The following PHEX variants were observed in gnomAD, a reference collection of about 807,000 sequenced individuals.
PHEX encodes phosphate-regulating neutral endopeptidase PHEX.
In PHEX, 16 loss-of-function variants were observed where a neutral mutation model predicts 68.0. That is an observed-to-expected ratio of 0.24 (90% CI 0.16 to 0.36). PHEX has a LOEUF of 0.36. PHEX is among the 10% of genes least tolerant of loss of function. The pLI is 1.00. For synonymous variants in PHEX, 208 were observed against 205.1 expected (o/e 1.01, Z -0.12); for missense variants, 480 against 575.5 (o/e 0.83, Z 1.70).
In PHEX at chrX:22,133,602, C is replaced by T. The variant is rs374873766; in HGVS notation, c.1382C>T (p.Thr461Met). Residue 461 changes from threonine to methionine, a missense_variant, in exon 12 of 22, where the codon ACG becomes ATG. Physicochemically the swap from Thr to Met is moderately conservative, Grantham distance 81. Coordinates refer to ENST00000379374, the MANE Select transcript of PHEX (RefSeq NM_000444.6). ...GAAAATGAGTGGATGGATGCAGGAACGAAAAGGAAAGCCAAAGAAAAGGTA... is the reference window on the plus strand; with the variant it reads ...GAAAATGAGTGGATGGATGCAGGAATGAAAAGGAAAGCCAAAGAAAAGGTA... ...EKENEWMDAGTKRKAKEKARA... is the reference protein window; with the variant it reads ...EKENEWMDAGMKRKAKEKARA... The T allele has an allele frequency of 1.6e-5, 19 of 1,200,114 alleles. No homozygotes were observed. The highest frequency in any genetic ancestry group is 1.5e-4 in the Admixed American group (7 of 45,496).
At chrX:22,214,305 C>G (rs1935017209) in intron 16 of PHEX, among the ~76,000 whole-genome samples, 1 of 111,784 alleles carries the variant, frequency 8.9e-6, no homozygotes, top group Non-Finnish European at 1.9e-5. Context: ...TTATAAGGAC[C>G]CTTGTGATTA....
intron 18 of PHEX, among the ~76,000 whole-genome samples, chrX:22,223,968 C>T (rs1317687641): frequency 8.9e-6 from 1 of 112,162 alleles, no homozygotes; most frequent in Non-Finnish European, 1.9e-5. Context: ...AAGCAGAGCC[C>T]AAGAAGGGGT....
chrX:22,049,359 C>T (rs1273003928), intron 3 of PHEX, among the ~76,000 whole-genome samples: 1 of 110,314 alleles, frequency 9.1e-6, no homozygotes, highest in African/African-American at 3.3e-5. Flanking sequence ...AGTGATTGGC[C>T]TGCCTCAGCC....
At chrX:22,127,045 T>G (rs908560699) in intron 11 of PHEX, among the ~76,000 whole-genome samples, 2 of 108,277 alleles carry the variant, frequency 1.8e-5, no homozygotes, top group African/African-American at 6.7e-5. Flanking sequence ...CTAATTTTTG[T>G]ATTTTTAGTA....
In PHEX at chrX:22,219,659, G is replaced by A. The variant is rs780109103; in HGVS notation, c.1768+556G>A. On this transcript the variant is annotated intron_variant, in intron 17 of 21. Transcript: ENST00000379374. ...TATTGAGACGGAGTCTAGCTCTGTC[G>A]CCAGGCTGGAGTGCAGTGGCACGAT... 8.1e-5 allele frequency among the ~76,000 whole-genome samples: 9 copies of A among 111,306 alleles called. No homozygotes were observed. In the South Asian group the frequency reaches 1.5e-3, roughly 19 times the overall value.
At chrX:22,066,471 A>G (rs983920535) in intron 3 of PHEX, among the ~76,000 whole-genome samples, 3 of 112,185 alleles carry the variant, frequency 2.7e-5, no homozygotes, top group African/African-American at 6.5e-5. Context: ...TATTTTGTCA[A>G]GCACCCCCAC....
chrX:22,095,266 G>T (rs1331278977), intron 7 of PHEX, among the ~76,000 whole-genome samples: 3 of 111,821 alleles, frequency 2.7e-5, no homozygotes, highest in Non-Finnish European at 3.8e-5. Flanking sequence ...CGAAGTCCAG[G>T]ACTGTGCCTC....
At chrX:22,035,999 T>TAC (rs767503875) in intron 1 of PHEX, among the ~76,000 whole-genome samples, 2,967 of 76,736 alleles carry the variant, frequency 0.039, 126 homozygotes, top group African/African-American at 0.09. Flanking sequence ...TAATTAATTA[T>TAC]ACACACACAC....
intron 20 of PHEX, among the ~76,000 whole-genome samples, chrX:22,242,853 C>T (rs1936268301): frequency 1.8e-5 from 2 of 111,900 alleles, no homozygotes; most frequent in African/African-American, 3.3e-5. Context: ...GGCCATACTG[C>T]TCAAGGTAAT....
intron 10 of PHEX, among the ~76,000 whole-genome samples, chrX:22,113,875 G>A (rs139199328): frequency 2.4e-4 from 26 of 109,603 alleles, no homozygotes; most frequent in African/African-American, 8.6e-4. Context: ...TTTGTTTAAT[G>A]GGGAAAATTG....
intron 12 of PHEX, among the ~76,000 whole-genome samples, chrX:22,150,207 T>G (rs193093981): frequency 8.9e-6 from 1 of 112,317 alleles, no homozygotes; most frequent in Admixed American, 9.4e-5. Context: ...AGAGCCCTAC[T>G]GGAGCAATGC....
intron 1 of PHEX, 94 bp downstream of exon 1, chrX:22,033,217 G>A (rs956260093): frequency 3.6e-5 from 22 of 618,293 alleles, no homozygotes; most frequent in African/African-American, 3.3e-4. Context: ...CACAGGTATA[G>A]GGCTGTTTGC....
intron 4 of PHEX, among the ~76,000 whole-genome samples, chrX:22,077,046 A>T (rs1018059726): frequency 8.9e-6 from 1 of 112,299 alleles, no homozygotes; most frequent in African/African-American, 3.2e-5. Flanking sequence ...TTGGGGTATC[A>T]TGTGGTGAGC....
intron 20 of PHEX, among the ~76,000 whole-genome samples, chrX:22,242,943 A>C (rs891432607): frequency 3.6e-5 from 4 of 111,958 alleles, no homozygotes; most frequent in African/African-American, 1.3e-4. Context: ...TAAACTTCAT[A>C]TGGAACCAAA....
At chrX:22,073,252 A>G (rs1928985726) in intron 3 of PHEX, among the ~76,000 whole-genome samples, 1 of 113,208 alleles carries the variant, frequency 8.8e-6, no homozygotes, top group Non-Finnish European at 1.9e-5. Context: ...TGTTTAAGTC[A>G]CCACTTACTG....
In PHEX at chrX:22,067,896, G is replaced by A. The variant is rs780676412; in HGVS notation, c.350-8492G>A. 2.6e-4 allele frequency among the ~76,000 whole-genome samples: 28 copies of A among 109,123 alleles called. No homozygotes were observed. In the South Asian group the frequency reaches 3.7e-3, roughly 14 times the overall value. The allele number at this position is 109,123 out of a possible 115,157, so 94.8% of individuals were successfully genotyped here. ...TGCCTAGGCTGGAGTGCAATGGCAC[G>A]GTCTTGGCTCACTGCAACCTCAACC... On this transcript the variant is annotated intron_variant, in intron 3 of 21. Coordinates refer to ENST00000379374, the MANE Select transcript of PHEX (RefSeq NM_000444.6).
At chrX:22,057,865 C>T (rs1404661506) in intron 3 of PHEX, among the ~76,000 whole-genome samples, 1 of 111,672 alleles carries the variant, frequency 9.0e-6, no homozygotes, top group Non-Finnish European at 1.9e-5. Context: ...AGAATGTGCC[C>T]TCTGTGGTTG....
chrX:22,228,112 C>A (rs774332860), intron 20 of PHEX, among the ~76,000 whole-genome samples: 1 of 111,962 alleles, frequency 8.9e-6, no homozygotes, highest in Non-Finnish European at 1.9e-5. Flanking sequence ...AGAGTCATGT[C>A]ACTCTTTTGT....
intron 12 of PHEX, among the ~76,000 whole-genome samples, chrX:22,144,161 T>C (rs1932578360): frequency 9.0e-6 from 1 of 111,336 alleles, no homozygotes; most frequent in African/African-American, 3.3e-5. Context: ...AATTAATATA[T>C]GTGCAGTGGC....
Sources: allele counts gnomAD v4.1 joint callset (sites outside exome capture counted in the v4.1 genomes callset), GRCh38; gene constraint gnomAD v4.1.1; transcripts MANE v1.5; gene names NCBI Gene and HGNC (gene_info 2026-07-23, HGNC 2026-07-21).